PLCD4: variants seen among roughly 807,000 people sequenced by gnomAD.
PLCD4 encodes 1-phosphatidylinositol 4,5-bisphosphate phosphodiesterase delta-4.
A neutral mutation model predicts 90.2 loss-of-function variants in PLCD4; 63 were observed. The observed-to-expected ratio is 0.70, with a 90% CI of 0.57 to 0.86. PLCD4 has a LOEUF of 0.86. Among genes scored for constraint, PLCD4 ranks in the 40% least tolerant of loss-of-function variants. The pLI is 0.00. For missense variants in PLCD4, 830 were observed against 956.3 expected, an observed-to-expected ratio of 0.87 and a Z score of 1.74; for synonymous variants, 294 against 356.5, an observed-to-expected ratio of 0.82 and a Z score of 1.97.
intron 13 of PLCD4, among the ~76,000 whole-genome samples, chr2:218,635,464 G>A (rs553098532): frequency 1.3e-5 from 2 of 152,092 alleles, no homozygotes; most frequent in South Asian, 2.1e-4. Context: ...TGAGCCTTCC[G>A]AGTAGCTGGG....
chr2:218,629,547 G>T lies in PLCD4; in HGVS notation c.1003G>T (p.Glu335Ter). 1 of 1,613,818 alleles carries T rather than the reference G, an allele frequency of 6.2e-7. No homozygotes were observed. The highest frequency in any genetic ancestry group is 2.2e-5 in the East Asian group (1 of 44,872). ...CCTGAAGCGGGGGTGCCGCTGCGTG[G>T]AGGTGGATGTATGGGATGGACCTAG... ...RALKRGCRCV[E>*]VDVWDGPSGE... The change falls in exon 8 of 16, where the codon GAG becomes TAG. Residue 335 changes from glutamate to a stop codon, truncating the protein, a stop_gained. Coordinates refer to ENST00000450993, the MANE Select transcript of PLCD4 (RefSeq NM_032726.4). LOFTEE classifies it high-confidence loss of function.
chr2:218,625,849 G>C (rs969237442), intron 6 of PLCD4, among the ~76,000 whole-genome samples: 1 of 152,146 alleles, frequency 6.6e-6, no homozygotes, highest in Admixed American at 6.5e-5. Context: ...CAGGAGAATC[G>C]ATTGAACCCG....
chr2:218,632,009 C>T, intron 9 of PLCD4, 127 bp from the exon 10 acceptor site: 1 of 961,314 alleles, frequency 1.0e-6, no homozygotes, highest in Non-Finnish European at 1.5e-6. Flanking sequence ...AGCAGCTAAT[C>T]TCTTCCCTCG....
chr2:218,616,898 TTATATATATATATATA>T (rs1174872985), intron 3 of PLCD4, among the ~76,000 whole-genome samples: 2 of 6,254 alleles, frequency 3.2e-4, no homozygotes, highest in Non-Finnish European at 8.5e-4. Context: ...AGCCATTATT[TTATATATATATATATA>T]TATATATATA....
At chr2:218,626,258 CA>C (rs10616178) in intron 6 of PLCD4, among the ~76,000 whole-genome samples, 2,152 of 135,184 alleles carry the variant, frequency 0.016, 46 homozygotes, top group African/African-American at 0.051. Context: ...CTCTGTCTCC[CA>C]AAAAAAAAAA....
chr2:218,610,555 G>A (rs1189859010), intron 1 of PLCD4, among the ~76,000 whole-genome samples: 3 of 151,934 alleles, frequency 2.0e-5, no homozygotes. Context: ...CCAAAGAAAA[G>A]CAAGACTATT....
chr2:218,625,592 A>G (rs1334943100), intron 6 of PLCD4, among the ~76,000 whole-genome samples: 1 of 152,254 alleles, frequency 6.6e-6, no homozygotes, highest in African/African-American at 2.4e-5. Context: ...GCACATGAAA[A>G]GTATCTGGCA....
Position 218,628,226 on chromosome 2 carries a change from A to G in PLCD4, c.970A>G (p.Ile324Val), listed in dbSNP as rs1696200695. 1.9e-6 allele frequency: 3 copies of G among 1,613,726 alleles called. No homozygotes were observed. Among genetic ancestry groups the G allele is most frequent in the African/African-American group, 1.3e-5 (1 of 75,036 alleles). ...TGGCCAGAGCAGCGTCGAGGGATAT[A>G]TACGGTGCAGTGGTGGTAGAGAAGG... ...LCGQSSVEGY[I>V]RALKRGCRCV... Residue 324 changes from isoleucine (I) to valine (V), a missense_variant, in exon 7 of 16, where the codon ATA becomes GTA. Physicochemically the swap from Ile to Val is conservative, Grantham distance 29. Transcript: ENST00000450993.
chr2:218,623,199 G>A (rs964374215), intron 6 of PLCD4, among the ~76,000 whole-genome samples: 7 of 152,186 alleles, frequency 4.6e-5, no homozygotes, highest in Non-Finnish European at 7.3e-5. Flanking sequence ...CGCTGGAAAC[G>A]GAAAACCCTT....
intron 9 of PLCD4, 112 bp downstream of exon 9, chr2:218,630,914 C>A: frequency 8.5e-7 from 1 of 1,182,324 alleles, no homozygotes; most frequent in Non-Finnish European, 1.2e-6. Context: ...TCGGATGGAC[C>A]ATCTTGCTCT....
chr2:218,619,255 C>G (rs768518048), intron 4 of PLCD4, among the ~76,000 whole-genome samples: 1 of 134,714 alleles, frequency 7.4e-6, no homozygotes, highest in Non-Finnish European at 1.6e-5. Flanking sequence ...CTATGCCAGA[C>G]TATAGGGGTA....
Position 218,632,202 on chromosome 2 carries a change from G to C in PLCD4, c.1339G>C (p.Glu447Gln). The C allele has an allele frequency of 6.2e-7, 1 of 1,611,302 alleles. No individual in the cohort carries two copies. The highest frequency in any genetic ancestry group is 1.7e-5 in the Admixed American group (1 of 59,608). Residue 447 changes from glutamate (E) to glutamine (Q), a missense_variant, in exon 10 of 16, where the codon GAA becomes CAA. Glu to Gln is a conservative substitution (Grantham distance 29). Coordinates refer to ENST00000450993, the MANE Select transcript of PLCD4 (RefSeq NM_032726.4). Reference protein sequence around the residue: ...LTLEEDLEYEEEEAEPELEES... With the variant: ...LTLEEDLEYEQEEAEPELEES... ...ACTTGAGGAAGACCTGGAATATGAG[G>C]AAGAGGAAGCAGAACCTGAGTTGGA...
chr2:218,620,614 G>A (rs886465869), intron 4 of PLCD4, among the ~76,000 whole-genome samples: 15 of 151,786 alleles, frequency 9.9e-5, no homozygotes, highest in Admixed American at 3.3e-4. Flanking sequence ...TACTTGAGAG[G>A]CTGAGGTGGG....
rs1188575917 is a variant in PLCD4, at chr2:218,636,849, T to C, written c.*272T>C. 1 of 530,532 alleles carries C rather than the reference T, an allele frequency of 1.9e-6. No homozygotes were observed. The highest frequency in any genetic ancestry group is 3.6e-6 in the Non-Finnish European group (1 of 276,028). The allele number at this position is 530,532 out of a possible 1,614,324, so 32.9% of individuals were successfully genotyped here. On this transcript the variant is annotated 3_prime_UTR_variant, in exon 16 of 16. Transcript: ENST00000450993. ...CTCTATACTGGAGTTCCCTTCTTCC[T>C]CTTGCTGTAGGCTCAATCCCATACC...
intron 1 of PLCD4, 140 bp downstream of exon 1, chr2:218,608,210 C>T (rs1490937629): frequency 1.3e-5 from 2 of 152,552 alleles, no homozygotes; most frequent in African/African-American, 4.8e-5. Flanking sequence ...CTCTACAGGG[C>T]TCCCACCTCC....
rs572022586 is a variant in PLCD4 at position 218,634,942 on chromosome 2, T to C, written c.1896+312T>C. 2.6e-5 allele frequency among the ~76,000 whole-genome samples: 4 copies of C among 152,084 alleles called. No individual in the cohort carries two copies. Among genetic ancestry groups the C allele is most frequent in the Non-Finnish European group, 5.9e-5 (4 of 68,024 alleles). On this transcript the variant is annotated intron_variant, in intron 13 of 15. Coordinates refer to ENST00000450993, the MANE Select transcript of PLCD4 (RefSeq NM_032726.4). The surrounding 1 kb of genome is among the most constrained non-coding windows in gnomAD (Gnocchi z 4.0). Reference sequence around the variant, plus strand: ...CTTACAATTCCTGGCACACAGGAAGTGCTATAAAAGAGGCTGGCTGGGAGC... The same window carrying C: ...CTTACAATTCCTGGCACACAGGAAGCGCTATAAAAGAGGCTGGCTGGGAGC...
intron 7 of PLCD4, 141 bp downstream of exon 7, chr2:218,628,371 A>G: frequency 1.3e-6 from 1 of 762,666 alleles, no homozygotes; most frequent in Non-Finnish European, 2.1e-6. Flanking sequence ...AGACACTTGG[A>G]GGAGATATTG....
At chr2:218,611,453 C>T (rs897903651) in intron 1 of PLCD4, among the ~76,000 whole-genome samples, 1 of 152,138 alleles carries the variant, frequency 6.6e-6, no homozygotes, top group African/African-American at 2.4e-5. Flanking sequence ...AATCTTCTTG[C>T]AGTCCTAAAG....
chr2:218,627,192 C>T (rs1414268186), intron 6 of PLCD4, among the ~76,000 whole-genome samples: 4 of 151,478 alleles, frequency 2.6e-5, no homozygotes, highest in African/African-American at 4.8e-5. Flanking sequence ...AACCAGGAGG[C>T]GGAGCTTGCA....
Sources: allele counts gnomAD v4.1 joint callset (sites outside exome capture counted in the v4.1 genomes callset), GRCh38; gene constraint gnomAD v4.1.1; non-coding constraint Gnocchi (gnomAD v3.1); transcripts MANE v1.5; gene names NCBI Gene and HGNC (gene_info 2026-07-23, HGNC 2026-07-21).